DRAXIN: variants seen among roughly 807,000 people sequenced by gnomAD.
DRAXIN encodes the protein dorsal inhibitory axon guidance protein.
A neutral mutation model predicts 33.9 loss-of-function variants in DRAXIN; 27 were observed. That is an observed-to-expected ratio of 0.80 (90% CI 0.59 to 1.10). DRAXIN has a LOEUF of 1.10. Ranked by LOEUF, DRAXIN falls within the 50% of genes least tolerant of loss-of-function variation. DRAXIN has a pLI of 0.00. For missense variants in DRAXIN, 371 were observed against 460.8 expected (o/e 0.81, Z 1.78); for synonymous variants, 178 against 194.0 (o/e 0.92, Z 0.69).
intron 6 of DRAXIN, among the ~76,000 whole-genome samples, chr1:11,715,668 GC>G (rs1376074002): frequency 6.6e-6 from 1 of 152,158 alleles, no homozygotes; most frequent in Non-Finnish European, 1.5e-5. Context: ...GGATGCACTT[GC>G]CCAGCTGCCT....
At chr1:11,717,779 T>C (rs1641599406) in intron 6 of DRAXIN, among the ~76,000 whole-genome samples, 1 of 134,936 alleles carries the variant, frequency 7.4e-6, no homozygotes. Context: ...AGCCCGGAGT[T>C]GGAGACCAGC....
At position 11,720,906 on chromosome 1, in the gene DRAXIN, T is replaced by G. The variant is rs985784519; in HGVS notation, c.*1210T>G. The G allele has an allele frequency of 2.0e-5, 3 of 152,238 alleles. No homozygotes were observed. Among genetic ancestry groups the G allele is most frequent in the African/African-American group, 7.2e-5 (3 of 41,466 alleles). 9.4% of individuals were successfully genotyped at this position (152,238 alleles called of 1,614,324 possible). On this transcript the variant is annotated 3_prime_UTR_variant, in exon 7 of 7. Transcript: ENST00000294485. ...TCCCTGGATAAAGGTGTATCATGTTTAAAAACAAAACAAAATACAACTTAA... is the reference window on the plus strand; with the variant it reads ...TCCCTGGATAAAGGTGTATCATGTTGAAAAACAAAACAAAATACAACTTAA...
At chr1:11,695,931 CT>C (rs1439821502) in intron 1 of DRAXIN, among the ~76,000 whole-genome samples, 1 of 152,140 alleles carries the variant, frequency 6.6e-6, no homozygotes, top group East Asian at 1.9e-4. Flanking sequence ...CGCAAAGCCC[CT>C]GTACAGGTTT....
chr1:11,702,368 C>T (rs1212478189), intron 1 of DRAXIN, among the ~76,000 whole-genome samples: 1 of 151,374 alleles, frequency 6.6e-6, no homozygotes, highest in African/African-American at 2.4e-5. Context: ...CACACACCTA[C>T]ACACCCACAC....
At chr1:11,718,275 G>A (rs1433676732) in intron 6 of DRAXIN, among the ~76,000 whole-genome samples, 21 of 138,962 alleles carry the variant, frequency 1.5e-4, no homozygotes, top group South Asian at 6.7e-4. Context: ...AGATGGTGCC[G>A]CTGCACTCCA....
At position 11,725,754 on chromosome 1, in the gene DRAXIN, G is replaced by A. The variant is rs1212695053; in HGVS notation, c.*6058G>A. 1 of 152,180 alleles carries A rather than the reference G, an allele frequency of 6.6e-6. No homozygotes were observed. Among genetic ancestry groups the A allele is most frequent in the African/African-American group, 2.4e-5 (1 of 41,420 alleles). 9.4% of individuals were successfully genotyped at this position (152,180 alleles called of 1,614,324 possible). ...GGTGCTGTACTTCCTTTTTAAAGTT[G>A]GGGAGCGGCAGGGGGAGGGGGAAGT... On this transcript the variant is annotated 3_prime_UTR_variant, in exon 7 of 7. Transcript: ENST00000294485.
At position 11,703,853 on chromosome 1, in the gene DRAXIN, T is replaced by A. The variant is rs976016246; in HGVS notation, c.-10-2396T>A. On this transcript the variant is annotated intron_variant, in intron 1 of 6. Transcript: ENST00000294485. ...TACTGTGAATGGACCCACAGCCAAGTAGGGTCGTGGCAACGGAGCTTGGGA... is the reference window on the plus strand; with the variant it reads ...TACTGTGAATGGACCCACAGCCAAGAAGGGTCGTGGCAACGGAGCTTGGGA... Among the ~76,000 whole-genome samples the A allele has an allele frequency of 2.0e-5, 3 of 151,996 alleles. No individual in the cohort carries two copies. The East Asian group carries it at 5.8e-4, about 29-fold the overall frequency.
upstream of DRAXIN, among the ~76,000 whole-genome samples, chr1:11,688,518 G>A (rs1048096773): frequency 2.0e-5 from 3 of 151,650 alleles, no homozygotes; most frequent in Non-Finnish European, 2.9e-5. This position sits in a 1 kb window ranked among gnomAD's most constrained non-coding sequence, Gnocchi z 4.6. Context: ...CCAAGATCGC[G>A]CCACTGCACT....
chr1:11,709,542 A>T, intron 3 of DRAXIN, 77 bp downstream of exon 3: 1 of 1,450,880 alleles, frequency 6.9e-7, no homozygotes, highest in Non-Finnish European at 9.2e-7. Context: ...TAATACATGT[A>T]GGGAGACTGA....
At chr1:11,708,515 G>A (rs1055303099) in intron 2 of DRAXIN, among the ~76,000 whole-genome samples, 1 of 152,234 alleles carries the variant, frequency 6.6e-6, no homozygotes, top group Non-Finnish European at 1.5e-5. Flanking sequence ...GGAGGCTGAG[G>A]TGGGAGAATC....
intron 3 of DRAXIN, among the ~76,000 whole-genome samples, chr1:11,709,867 T>C (rs1641448709): frequency 6.6e-6 from 1 of 152,196 alleles, no homozygotes; most frequent in South Asian, 2.1e-4. Context: ...AGCTAACACT[T>C]GGACCCATCT....
intron 6 of DRAXIN, 104 bp downstream of exon 6, chr1:11,715,312 G>A: frequency 1.4e-6 from 2 of 1,416,264 alleles, no homozygotes; most frequent in Non-Finnish European, 2.0e-6. Context: ...AGCTTTCCTG[G>A]CAGAGGGTGG....
In DRAXIN at chr1:11,691,729, A is replaced by AC. The variant is rs1641072351; in HGVS notation, c.-134dup. On this transcript the variant is annotated 5_prime_UTR_variant, in exon 1 of 7. Transcript: ENST00000294485. ...CCTTCCAGTCCCGCTCAGCCCGGGCACATCCTCCGGCTGCCCGCGCACCTC... is the reference window on the plus strand; with the variant it reads ...CCTTCCAGTCCCGCTCAGCCCGGGCACCATCCTCCGGCTGCCCGCGCACCTC... 7.4e-6 allele frequency: 1 copy of AC among 134,522 alleles called. No individual in the cohort carries two copies. The highest frequency in any genetic ancestry group is 7.5e-5 in the Admixed American group (1 of 13,260). The allele number at this position is 134,522 out of a possible 1,614,324, so 8.3% of individuals were successfully genotyped here.
chr1:11,721,819 T>C lies in DRAXIN; in HGVS notation c.*2123T>C, dbSNP rs1641662856. On this transcript the variant is annotated 3_prime_UTR_variant, in exon 7 of 7. Transcript: ENST00000294485. ...GGCCAACATGGCAAAACCCGGTCTC[T>C]ACCAAATATACAAAAATTAAGGCTG... is the stretch of plus-strand genomic sequence containing the variant. 1 of 152,044 alleles carries C rather than the reference T, an allele frequency of 6.6e-6. No homozygotes were observed. The highest frequency in any genetic ancestry group is 1.5e-5 in the Non-Finnish European group (1 of 68,044). The allele number at this position is 152,044 out of a possible 1,614,324, so 9.4% of individuals were successfully genotyped here.
chr1:11,700,012 G>C (rs1482351885), intron 1 of DRAXIN, among the ~76,000 whole-genome samples: 4 of 151,994 alleles, frequency 2.6e-5, no homozygotes, highest in Non-Finnish European at 5.9e-5. Flanking sequence ...GCCAAGGTGG[G>C]TGGATCACGA....
At chr1:11,687,370 G>A (rs1355703072), upstream of DRAXIN, among the ~76,000 whole-genome samples, 4 of 152,198 alleles carry the variant, frequency 2.6e-5, no homozygotes, top group African/African-American at 9.7e-5. This position sits in a 1 kb window ranked among gnomAD's most constrained non-coding sequence, Gnocchi z 4.1. Context: ...CTCCCGAGTA[G>A]CTGGGACTAC....
chr1:11,701,085 G>A (rs1641266742), intron 1 of DRAXIN, among the ~76,000 whole-genome samples: 1 of 152,210 alleles, frequency 6.6e-6, no homozygotes, highest in South Asian at 2.1e-4. Context: ...CTAGGATGGG[G>A]GACAAGATGG....
At chr1:11,714,786 C>T (rs1641549417) in intron 5 of DRAXIN, among the ~76,000 whole-genome samples, 1 of 152,226 alleles carries the variant, frequency 6.6e-6, no homozygotes, top group Non-Finnish European at 1.5e-5. Flanking sequence ...GATCCTGAGG[C>T]CCCTCCCAGC....
At chr1:11,714,130 C>T (rs759803476) in intron 5 of DRAXIN, among the ~76,000 whole-genome samples, 1 of 152,044 alleles carries the variant, frequency 6.6e-6, no homozygotes, top group Non-Finnish European at 1.5e-5. Flanking sequence ...ACCTGAGCCT[C>T]GGGGGTCAAG....
Sources: allele counts gnomAD v4.1 joint callset (sites outside exome capture counted in the v4.1 genomes callset), GRCh38; gene constraint gnomAD v4.1.1; non-coding constraint Gnocchi (gnomAD v3.1); transcripts MANE v1.5; gene names NCBI Gene and HGNC (gene_info 2026-07-23, HGNC 2026-07-21).